The following ANKS1B variants were observed in gnomAD, a reference collection of about 807,000 sequenced individuals.
The protein encoded by ANKS1B is ankyrin repeat and sterile alpha motif domain containing 1B.
Under a neutral mutation model 148.3 loss-of-function variants are expected in ANKS1B, and 36 were observed. That is an observed-to-expected ratio of 0.24 (90% CI 0.19 to 0.32). The LOEUF (loss-of-function observed/expected upper bound fraction) is 0.32, where lower values mean the gene tolerates loss of function less well. Among genes scored for constraint, ANKS1B ranks in the 10% least tolerant of loss-of-function variants. The pLI, the probability that ANKS1B is intolerant of heterozygous loss-of-function variation, is 1.00. For missense variants in ANKS1B, 1,157 were observed against 1,542.6 expected, an observed-to-expected ratio of 0.75 and a Z score of 4.19; for synonymous variants, 542 against 560.8, an observed-to-expected ratio of 0.97 and a Z score of 0.47.
chr12:99,190,449 A>G (rs1294203822), intron 14 of ANKS1B, among the ~76,000 whole-genome samples: 1 of 152,188 alleles, frequency 6.6e-6, no homozygotes, highest in Non-Finnish European at 1.5e-5. Context: ...ACTATACTAC[A>G]AGGCTATAGT....
At chr12:99,020,718 C>T (rs2099945298) in intron 17 of ANKS1B, among the ~76,000 whole-genome samples, 1 of 151,986 alleles carries the variant, frequency 6.6e-6, no homozygotes, top group Non-Finnish European at 1.5e-5. Context: ...TATACACTGT[C>T]TTTGGTTTGC....
At chr12:99,241,539 C>T (rs960845010) in intron 14 of ANKS1B, among the ~76,000 whole-genome samples, 2 of 152,238 alleles carry the variant, frequency 1.3e-5, no homozygotes, top group African/African-American at 4.8e-5. Flanking sequence ...TCCTCCCTAA[C>T]TCATTTTATG....
chr12:99,674,772 ACTT>A (rs1480554149), intron 8 of ANKS1B, among the ~76,000 whole-genome samples: 4 of 151,836 alleles, frequency 2.6e-5, no homozygotes, highest in African/African-American at 7.2e-5. Context: ...TGATTTATAG[ACTT>A]CATTTCATTA....
At chr12:99,254,133 G>C (rs185757880) in intron 12 of ANKS1B, among the ~76,000 whole-genome samples, 3 of 152,228 alleles carry the variant, frequency 2.0e-5, no homozygotes, top group African/African-American at 7.2e-5. Context: ...AATATTATTG[G>C]GTAAACCAGC....
chr12:99,835,394 A>C (rs2084687275), intron 1 of ANKS1B, among the ~76,000 whole-genome samples: 2 of 152,006 alleles, frequency 1.3e-5, no homozygotes, highest in Admixed American at 6.6e-5. Context: ...GTGCCACTGC[A>C]CTCCAGCCTG....
chr12:99,442,877 C>A (rs1225561232), intron 11 of ANKS1B, among the ~76,000 whole-genome samples: 2 of 151,836 alleles, frequency 1.3e-5, no homozygotes, highest in Admixed American at 1.3e-4. Flanking sequence ...TGATTGAATC[C>A]AAAGTCCTCC....
chr12:99,106,552 T>A (rs2059259917), intron 15 of ANKS1B, among the ~76,000 whole-genome samples: 1 of 152,224 alleles, frequency 6.6e-6, no homozygotes, highest in Non-Finnish European at 1.5e-5. Flanking sequence ...GCTTTTAAAG[T>A]TGTCGGTTTC....
intron 9 of ANKS1B, chr12:99,647,877 C>T (rs1427679112): frequency 7.8e-6 from 3 of 385,388 alleles, no homozygotes; most frequent in Non-Finnish European, 1.4e-5. Context: ...CCCGAATGAG[C>T]ACTGACACCT....
In ANKS1B at chr12:99,509,530, A is replaced by T. The variant is rs895667570; in HGVS notation, c.1273-4889T>A. Among the ~76,000 whole-genome samples, 4 of 151,950 alleles carry T rather than the reference A, an allele frequency of 2.6e-5. No individual in the cohort carries two copies. The South Asian group carries it at 8.3e-4, about 31-fold the overall frequency. ...ACAACATTCACACAAGCCAAATCCTAATCCAGAGCAAGACTCTAATTCTCT... is the reference window on the plus strand; with the variant it reads ...ACAACATTCACACAAGCCAAATCCTTATCCAGAGCAAGACTCTAATTCTCT... On this transcript the variant is annotated intron_variant, in intron 9 of 26. Transcript: ENST00000683438.
chr12:99,485,735 T>C lies in ANKS1B; in HGVS notation c.1438+18741A>G, dbSNP rs919295764. ...GTATTCATTTCTTTTGATTCTTTTTTCTTTATTTTGTCTGACTGGGTTAAT... is the reference window on the plus strand; with the variant it reads ...GTATTCATTTCTTTTGATTCTTTTTCCTTTATTTTGTCTGACTGGGTTAAT... On this transcript the variant is annotated intron_variant, in intron 10 of 26. Coordinates refer to ENST00000683438, the MANE Select transcript of ANKS1B (RefSeq NM_001352186.2). Among the ~76,000 whole-genome samples the C allele has an allele frequency of 2.6e-5, 4 of 152,256 alleles. No individual in the cohort carries two copies. The South Asian group carries it at 6.2e-4, about 24-fold the overall frequency.
chr12:99,341,253 T>C (rs1007585638), intron 12 of ANKS1B: 11 of 152,146 alleles, frequency 7.2e-5, no homozygotes, highest in Admixed American at 6.6e-5. Context: ...CTTTAGCTAT[T>C]TGGAGCAGAA....
intron 6 of ANKS1B, among the ~76,000 whole-genome samples, chr12:99,777,858 A>C (rs1213481950): frequency 6.6e-6 from 1 of 150,454 alleles, no homozygotes; most frequent in Non-Finnish European, 1.5e-5. Context: ...TGCTGGGATT[A>C]CAGGCATGAG....
chr12:99,718,966 T>C (rs1039721266), intron 8 of ANKS1B, among the ~76,000 whole-genome samples: 1 of 152,170 alleles, frequency 6.6e-6, no homozygotes, highest in South Asian at 2.1e-4. Flanking sequence ...GTGCTCTCCC[T>C]GCTGATTGTG....
intron 1 of ANKS1B, among the ~76,000 whole-genome samples, chr12:99,903,233 C>T (rs1192309888): frequency 6.6e-6 from 1 of 152,156 alleles, no homozygotes; most frequent in Non-Finnish European, 1.5e-5. Context: ...TCCCATGACC[C>T]AGCTAGGGCA....
intron 9 of ANKS1B, among the ~76,000 whole-genome samples, chr12:99,627,379 G>A (rs2098120757): frequency 6.6e-6 from 1 of 152,126 alleles, no homozygotes; most frequent in African/African-American, 2.4e-5. Flanking sequence ...TATGTGCCAG[G>A]TTTTCTGTTA....
At chr12:98,885,753 T>C (rs1044105078) in intron 17 of ANKS1B, among the ~76,000 whole-genome samples, 1 of 152,030 alleles carries the variant, frequency 6.6e-6, no homozygotes, top group African/African-American at 2.4e-5. Context: ...GCCCAGGAAA[T>C]CTAACAAAGA....
intron 17 of ANKS1B, among the ~76,000 whole-genome samples, chr12:98,962,404 T>A (rs2099873020): frequency 1.3e-5 from 2 of 148,186 alleles, no homozygotes; most frequent in South Asian, 2.1e-4. Context: ...ATATATATAA[T>A]ATATAATATA....
chr12:98,944,341 A>G (rs2099841908), intron 17 of ANKS1B, among the ~76,000 whole-genome samples: 1 of 141,882 alleles, frequency 7.0e-6, no homozygotes, highest in Non-Finnish European at 1.5e-5. Context: ...CTCTCTTGCC[A>G]CATGACACGC....
chr12:99,747,537 A>G (rs770410087), intron 8 of ANKS1B, among the ~76,000 whole-genome samples: 1 of 152,112 alleles, frequency 6.6e-6, no homozygotes, highest in Non-Finnish European at 1.5e-5. Flanking sequence ...CTGTTAAAAA[A>G]TCTTTAATGG....
Sources: allele counts gnomAD v4.1 joint callset (sites outside exome capture counted in the v4.1 genomes callset), GRCh38; gene constraint gnomAD v4.1.1; transcripts MANE v1.5; gene names NCBI Gene and HGNC (gene_info 2026-07-23, HGNC 2026-07-21).